The following HHAT variants were observed in gnomAD, a reference collection of about 807,000 sequenced individuals.
HHAT encodes protein-cysteine N-palmitoyltransferase HHAT.
In HHAT, 47 loss-of-function variants were observed where a neutral mutation model predicts 70.8. That is an observed-to-expected ratio of 0.66 (90% confidence interval 0.53 to 0.85). The LOEUF (loss-of-function observed/expected upper bound fraction) is 0.85. HHAT is among the 40% of genes least tolerant of loss of function. The pLI, the probability that HHAT is intolerant of heterozygous loss-of-function variation, is 0.00. For synonymous variants in HHAT, 228 were observed against 247.6 expected, an observed-to-expected ratio of 0.92 and a Z score of 0.74; for missense variants, 609 against 604.8, an observed-to-expected ratio of 1.01 and a Z score of -0.07.
intron 10 of HHAT, among the ~76,000 whole-genome samples, chr1:210,623,095 C>T (rs79058352): frequency 0.012 from 1,819 of 152,242 alleles, 43 homozygotes; most frequent in African/African-American, 0.042. Flanking sequence ...TTTCGAGACA[C>T]GCTCTTGTTC....
At chr1:210,329,340 A>T (rs966338477) in intron 1 of HHAT, 2 of 1,206,416 alleles carry the variant, frequency 1.7e-6, no homozygotes, top group Non-Finnish European at 2.1e-6. Context: ...CGCCGGGACA[A>T]GTCCGCGCAC....
intron 9 of HHAT, among the ~76,000 whole-genome samples, chr1:210,555,198 G>T (rs2095561185): frequency 6.6e-6 from 1 of 152,174 alleles, no homozygotes; most frequent in Non-Finnish European, 1.5e-5. Flanking sequence ...AGCAGAAACA[G>T]CCTACAGACA....
At chr1:210,564,463 A>G (rs570056973) in intron 9 of HHAT, among the ~76,000 whole-genome samples, 22 of 152,338 alleles carry the variant, frequency 1.4e-4, no homozygotes, top group African/African-American at 5.1e-4. Context: ...GAACAAGGAA[A>G]GTCATGTGGA....
intron 11 of HHAT, among the ~76,000 whole-genome samples, chr1:210,669,107 C>A: frequency 6.6e-6 from 1 of 152,174 alleles, no homozygotes; most frequent in East Asian, 1.9e-4. Context: ...TTTCACTGGA[C>A]CTGCTTCTTG....
intron 11 of HHAT, among the ~76,000 whole-genome samples, chr1:210,644,815 C>CT (rs1673705400): frequency 1.3e-5 from 2 of 152,014 alleles, no homozygotes; most frequent in Non-Finnish European, 2.9e-5. Flanking sequence ...CCATGGACCA[C>CT]TTTTTGCACA....
chr1:210,508,248 C>T (rs963516220), intron 8 of HHAT, among the ~76,000 whole-genome samples: 1 of 137,966 alleles, frequency 7.2e-6, no homozygotes, highest in African/African-American at 2.6e-5. Flanking sequence ...CCCATAAATA[C>T]ATACAACTAT....
At chr1:210,555,810 A>G (rs980301490) in intron 9 of HHAT, among the ~76,000 whole-genome samples, 4 of 152,200 alleles carry the variant, frequency 2.6e-5, no homozygotes, top group Non-Finnish European at 5.9e-5. Flanking sequence ...TGGCCTCATT[A>G]GTATGCATGT....
intron 9 of HHAT, among the ~76,000 whole-genome samples, chr1:210,560,182 C>T (rs1230470388): frequency 6.6e-6 from 1 of 152,152 alleles, no homozygotes; most frequent in African/African-American, 2.4e-5. Context: ...CTAGGCCTGA[C>T]CTTTGAATTG....
At chr1:210,390,554 A>G (rs1422772753) in intron 4 of HHAT, among the ~76,000 whole-genome samples, 2 of 152,144 alleles carry the variant, frequency 1.3e-5, no homozygotes, top group African/African-American at 4.8e-5. Flanking sequence ...TTTTGGTTAC[A>G]TGGATAAATT....
intron 9 of HHAT, among the ~76,000 whole-genome samples, chr1:210,549,286 T>G (rs2095509489): frequency 6.7e-6 from 1 of 149,120 alleles, no homozygotes; most frequent in Non-Finnish European, 1.5e-5. Flanking sequence ...CAGTTTAGGT[T>G]TCTATAATGA....
At chr1:210,594,907 A>G (rs935511599) in intron 10 of HHAT, among the ~76,000 whole-genome samples, 1 of 151,854 alleles carries the variant, frequency 6.6e-6, no homozygotes. Flanking sequence ...CTTCTGCCAG[A>G]TGTGTTGGAG....
At chr1:210,545,847 A>G (rs553812649) in intron 9 of HHAT, among the ~76,000 whole-genome samples, 64 of 152,048 alleles carry the variant, frequency 4.2e-4, no homozygotes, top group Non-Finnish European at 8.1e-4. Flanking sequence ...CTTTTCATTT[A>G]TTTCTGAAAT....
At chr1:210,354,456 A>C (rs527575960) in intron 2 of HHAT, among the ~76,000 whole-genome samples, 1 of 152,102 alleles carries the variant, frequency 6.6e-6, no homozygotes, top group African/African-American at 2.4e-5. Flanking sequence ...TGCCGGGATT[A>C]CTGGTGATTA....
chr1:210,587,056 C>G (rs1271148086), intron 9 of HHAT, among the ~76,000 whole-genome samples: 1 of 152,148 alleles, frequency 6.6e-6, no homozygotes, highest in African/African-American at 2.4e-5. Flanking sequence ...TCTGCTGCAC[C>G]CAGCTCCTGC....
chr1:210,347,296 A>G (rs1387853647), intron 1 of HHAT, among the ~76,000 whole-genome samples: 1 of 152,064 alleles, frequency 6.6e-6, no homozygotes, highest in Non-Finnish European at 1.5e-5. Context: ...TGACCTCATC[A>G]CATTTGTCAT....
chr1:210,467,550 T>C lies in HHAT; in HGVS notation c.1007+2895T>C, dbSNP rs115939361. 6.7e-3 allele frequency among the ~76,000 whole-genome samples: 1,023 copies of C among 152,336 alleles called. 10 individuals are homozygous for C. Among genetic ancestry groups the C allele is most frequent in the African/African-American group, 0.023 (967 of 41,568 alleles). The stretch of plus-strand genomic sequence containing the variant: ...AGTATTGCTGCAGACAGGGAATGGC[T>C]CTCTTCCTAGATTTAGGTTTGAGAC... On this transcript the variant is annotated intron_variant, in intron 8 of 11. Transcript: ENST00000261458.
chr1:210,429,780 T>C (rs1265982138), intron 7 of HHAT, among the ~76,000 whole-genome samples: 1 of 151,798 alleles, frequency 6.6e-6, no homozygotes, highest in African/African-American at 2.4e-5. Flanking sequence ...GCAAGCAACA[T>C]GTGAGGTGTT....
chr1:210,382,155 T>C (rs1280156832), intron 3 of HHAT, among the ~76,000 whole-genome samples: 1 of 152,228 alleles, frequency 6.6e-6, no homozygotes, highest in Admixed American at 6.5e-5. Context: ...CAGTGGTGAG[T>C]TGCTAGGGCA....
At chr1:210,446,978 A>G (rs1009737072) in intron 7 of HHAT, among the ~76,000 whole-genome samples, 14 of 152,216 alleles carry the variant, frequency 9.2e-5, no homozygotes, top group African/African-American at 3.1e-4. Context: ...AACAATAGAT[A>G]GCTAATAATT....
Sources: allele counts gnomAD v4.1 joint callset (sites outside exome capture counted in the v4.1 genomes callset), GRCh38; gene constraint gnomAD v4.1.1; transcripts MANE v1.5; gene names NCBI Gene and HGNC (gene_info 2026-07-23, HGNC 2026-07-21).